Variants in TNR observed in about 807,000 individuals in gnomAD.
The protein encoded by TNR is tenascin R, also known as tenascin-R.
In TNR, 45 loss-of-function variants were observed where a neutral mutation model predicts 150.4. That is an observed-to-expected ratio of 0.30 (90% CI 0.24 to 0.38). TNR has a LOEUF of 0.38. TNR is among the 10% of genes least tolerant of loss of function. The pLI is 1.00. For missense variants in TNR, 1,544 were observed against 1,759.1 expected, an observed-to-expected ratio of 0.88 and a Z score of 2.19; for synonymous variants, 687 against 678.4, an observed-to-expected ratio of 1.01 and a Z score of -0.20.
intron 14 of TNR, 45 bp downstream of exon 14, chr1:175,362,618 C>A: frequency 1.3e-6 from 2 of 1,596,006 alleles, no homozygotes; most frequent in Admixed American, 1.7e-5. Flanking sequence ...TCACCCAGAT[C>A]TTCAGCCAGG....
chr1:175,695,701 T>C (rs1173328790), intron 1 of TNR, among the ~76,000 whole-genome samples: 4 of 152,124 alleles, frequency 2.6e-5, no homozygotes, highest in Non-Finnish European at 5.9e-5. Context: ...TTTGAAGCAT[T>C]AATTTTTCAG....
intron 1 of TNR, among the ~76,000 whole-genome samples, chr1:175,733,443 G>A (rs1435107641): frequency 3.3e-5 from 5 of 152,278 alleles, no homozygotes; most frequent in Admixed American, 6.5e-5. Context: ...GTGAAGACAC[G>A]GCCGGAGAAG....
intron 1 of TNR, among the ~76,000 whole-genome samples, chr1:175,689,759 GA>G (rs1249235939): frequency 1.3e-5 from 2 of 152,138 alleles, no homozygotes; most frequent in Non-Finnish European, 2.9e-5. Context: ...GCCAGACAGG[GA>G]GGGGTGAGGG....
intron 1 of TNR, among the ~76,000 whole-genome samples, chr1:175,580,710 G>C (rs933303728): frequency 1.3e-5 from 2 of 152,078 alleles, no homozygotes; most frequent in Non-Finnish European, 2.9e-5. Context: ...ATATTTTCAC[G>C]TAATCTTATT....
chr1:175,539,850 A>G (rs750599643), intron 1 of TNR, among the ~76,000 whole-genome samples: 3 of 152,224 alleles, frequency 2.0e-5, no homozygotes, highest in African/African-American at 4.8e-5. Context: ...AAACCAAATC[A>G]TAAGTAGCTC....
chr1:175,665,387 C>T (rs556503340), intron 1 of TNR, among the ~76,000 whole-genome samples: 5 of 152,314 alleles, frequency 3.3e-5, no homozygotes, highest in Non-Finnish European at 5.9e-5. Context: ...GACCTCAGGA[C>T]TGCTGTGGTG....
intron 1 of TNR, among the ~76,000 whole-genome samples, chr1:175,687,320 C>A (rs1483566909): frequency 1.3e-5 from 2 of 152,126 alleles, no homozygotes; most frequent in African/African-American, 4.8e-5. Flanking sequence ...CCCTTCGTGC[C>A]CTTAAGTTTC....
chr1:175,718,732 T>A (rs548418271), intron 1 of TNR, among the ~76,000 whole-genome samples: 1 of 152,306 alleles, frequency 6.6e-6, no homozygotes, highest in South Asian at 2.1e-4. Flanking sequence ...GGGAGATCTG[T>A]CACATGGCCA....
At chr1:175,445,358 A>C (rs1044007132) in intron 2 of TNR, among the ~76,000 whole-genome samples, 1 of 152,248 alleles carries the variant, frequency 6.6e-6, no homozygotes, top group African/African-American at 2.4e-5. Flanking sequence ...CTTGTAAGCC[A>C]AACAAAGGAA....
intron 1 of TNR, among the ~76,000 whole-genome samples, chr1:175,736,594 A>G (rs1667779641): frequency 1.3e-5 from 2 of 151,674 alleles, no homozygotes; most frequent in South Asian, 4.2e-4. Context: ...GGGGATGTGT[A>G]GGAATTTGAA....
chr1:175,702,616 G>C, intron 1 of TNR, among the ~76,000 whole-genome samples: 1 of 152,238 alleles, frequency 6.6e-6, no homozygotes, highest in Middle Eastern at 3.4e-3. Context: ...AGGCACAGCA[G>C]GTGTGTGTGT....
intron 2 of TNR, among the ~76,000 whole-genome samples, chr1:175,440,171 T>C (rs1571442244): frequency 1.3e-5 from 2 of 152,124 alleles, no homozygotes; most frequent in South Asian, 4.1e-4. Flanking sequence ...GTGGCACATA[T>C]ACGCCATGGA....
chr1:175,564,680 G>A (rs1434663233), intron 1 of TNR, among the ~76,000 whole-genome samples: 2 of 151,696 alleles, frequency 1.3e-5, no homozygotes, highest in African/African-American at 4.8e-5. Context: ...GGTTTTTGGG[G>A]AGGGGAGGTC....
Position 175,617,944 on chromosome 1 carries a change from A to T in TNR, c.-164-89575T>A, listed in dbSNP as rs1044172900. Reference sequence around the variant, plus strand: ...CTTGACCAAGATCATGCGGCCAGTAAATAAAAGCAAGAACATGAACTCAAG... The same window carrying T: ...CTTGACCAAGATCATGCGGCCAGTATATAAAAGCAAGAACATGAACTCAAG... On this transcript the variant is annotated intron_variant, in intron 1 of 22. Transcript: ENST00000367674. Among the ~76,000 whole-genome samples, 14 of 152,342 alleles carry T rather than the reference A, an allele frequency of 9.2e-5. 1 individual carries two copies. The highest frequency in any genetic ancestry group is 2.9e-4 in the African/African-American group (12 of 41,574).
At chr1:175,492,708 C>T (rs859395) in intron 2 of TNR, among the ~76,000 whole-genome samples, 70,225 of 151,872 alleles carry the variant, frequency 0.46, 17,995 homozygotes, top group African/African-American at 0.7. Context: ...AAAAATCCTA[C>T]GTGGGTGTGT....
chr1:175,603,013 A>G (rs1259948069), intron 1 of TNR, among the ~76,000 whole-genome samples: 4 of 152,252 alleles, frequency 2.6e-5, no homozygotes, highest in Non-Finnish European at 5.9e-5. Context: ...ATACATACAT[A>G]ATAAAATAAG....
intron 18 of TNR, among the ~76,000 whole-genome samples, chr1:175,350,216 C>G (rs1650992061): frequency 6.6e-6 from 1 of 152,170 alleles, no homozygotes; most frequent in Admixed American, 6.5e-5. Context: ...AGGGCAGGGA[C>G]AGGAGCAAAG....
chr1:175,460,529 T>C (rs1391171770), intron 2 of TNR, among the ~76,000 whole-genome samples: 1 of 152,182 alleles, frequency 6.6e-6, no homozygotes, highest in East Asian at 1.9e-4. Flanking sequence ...CATCACATAT[T>C]ACTTTCTGTT....
intron 1 of TNR, among the ~76,000 whole-genome samples, chr1:175,581,202 G>C (rs555866974): frequency 6.6e-6 from 1 of 152,250 alleles, no homozygotes; most frequent in East Asian, 1.9e-4. Context: ...AATGGGAACC[G>C]CTCATCCTTG....
Sources: allele counts gnomAD v4.1 joint callset (sites outside exome capture counted in the v4.1 genomes callset), GRCh38; gene constraint gnomAD v4.1.1; transcripts MANE v1.5; gene names NCBI Gene and HGNC (gene_info 2026-07-23, HGNC 2026-07-21).